The following GABRG3 variants were observed in gnomAD, a reference collection of about 807,000 sequenced individuals.
The protein encoded by GABRG3 is gamma-aminobutyric acid type A receptor subunit gamma3.
Under a neutral mutation model 48.8 loss-of-function variants are expected in GABRG3, and 25 were observed. That is an observed-to-expected ratio of 0.51 (90% CI 0.37 to 0.72). GABRG3 has a LOEUF of 0.72. Among genes scored for constraint, GABRG3 ranks in the 30% least tolerant of loss-of-function variants. The pLI is 0.00. For missense variants in GABRG3, 394 were observed against 577.9 expected (o/e 0.68, Z 3.26); for synonymous variants, 227 against 217.6 (o/e 1.04, Z -0.38).
intron 3 of GABRG3, among the ~76,000 whole-genome samples, chr15:27,317,490 C>T (rs146420855): frequency 0.013 from 1,938 of 152,316 alleles, 27 homozygotes; most frequent in Non-Finnish European, 0.019. Flanking sequence ...CAGACTCAGC[C>T]AGACTTCCTT....
intron 5 of GABRG3, among the ~76,000 whole-genome samples, chr15:27,471,213 T>C (rs950142269): frequency 5.3e-5 from 8 of 152,126 alleles, no homozygotes; most frequent in Non-Finnish European, 1.0e-4. Flanking sequence ...TGGAAAGTGG[T>C]CCTCCTAGGC....
At chr15:27,326,140 T>C (rs1893605942) in intron 3 of GABRG3, among the ~76,000 whole-genome samples, 1 of 152,196 alleles carries the variant, frequency 6.6e-6, no homozygotes, top group Non-Finnish European at 1.5e-5. Flanking sequence ...CCGTGAACAC[T>C]GCAGTGGCTT....
At chr15:27,359,617 A>G (rs1894955851) in intron 5 of GABRG3, among the ~76,000 whole-genome samples, 1 of 152,230 alleles carries the variant, frequency 6.6e-6, no homozygotes, top group African/African-American at 2.4e-5. Context: ...ATAACAGAAC[A>G]TAAAATTAAA....
chr15:27,051,107 ATAG>A (rs1896448947), intron 3 of GABRG3, among the ~76,000 whole-genome samples: 1 of 152,254 alleles, frequency 6.6e-6, no homozygotes, highest in African/African-American at 2.4e-5. Flanking sequence ...TTAGATGACC[ATAG>A]TGCAGTTGTT....
chr15:27,527,368 T>C (rs922558081), intron 7 of GABRG3, 65 bp from the exon 8 acceptor site: 139 of 1,491,776 alleles, frequency 9.3e-5, no homozygotes, highest in Non-Finnish European at 1.2e-4. Context: ...GGGATGTGGG[T>C]GACCGTCTGG....
At chr15:27,530,152 C>T (rs747237287) in intron 9 of GABRG3, among the ~76,000 whole-genome samples, 3 of 152,288 alleles carry the variant, frequency 2.0e-5, no homozygotes, top group East Asian at 1.9e-4. Context: ...GGCCAGACTC[C>T]GTGAACTGTC....
intron 3 of GABRG3, among the ~76,000 whole-genome samples, chr15:27,313,915 G>A (rs1298602635): frequency 3.3e-5 from 5 of 151,798 alleles, no homozygotes; most frequent in South Asian, 2.1e-4. Flanking sequence ...ATCTCAAGGC[G>A]CTAGAAGAAT....
At chr15:27,339,666 C>G (rs562180544) in intron 5 of GABRG3, among the ~76,000 whole-genome samples, 77 of 152,322 alleles carry the variant, frequency 5.1e-4, no homozygotes, top group African/African-American at 1.7e-3. Context: ...TGGAAACTCA[C>G]TACAGAGGGC....
At chr15:27,332,928 C>T (rs1386152707) in intron 5 of GABRG3, among the ~76,000 whole-genome samples, 1 of 151,962 alleles carries the variant, frequency 6.6e-6, no homozygotes, top group Non-Finnish European at 1.5e-5. Flanking sequence ...TTAAAAATTT[C>T]CTATAGCACT....
chr15:27,463,920 C>T (rs1452297390), intron 5 of GABRG3, among the ~76,000 whole-genome samples: 1 of 152,080 alleles, frequency 6.6e-6, no homozygotes, highest in Non-Finnish European at 1.5e-5. Flanking sequence ...ACCCACGTGC[C>T]CCTCCCATAA....
At chr15:27,111,644 C>T (rs895832856) in intron 3 of GABRG3, among the ~76,000 whole-genome samples, 4 of 152,132 alleles carry the variant, frequency 2.6e-5, no homozygotes, top group Admixed American at 6.5e-5. Context: ...GTGTGCTGTT[C>T]TTCAGAGAGG....
chr15:27,345,836 C>T (rs1052969503), intron 5 of GABRG3, among the ~76,000 whole-genome samples: 4 of 151,920 alleles, frequency 2.6e-5, no homozygotes, highest in Non-Finnish European at 5.9e-5. Context: ...GGGGGATCCC[C>T]TGAGGTCAGG....
chr15:27,304,228 A>C (rs1159819143), intron 3 of GABRG3, among the ~76,000 whole-genome samples: 1 of 151,934 alleles, frequency 6.6e-6, no homozygotes, highest in Admixed American at 6.6e-5. Context: ...AAAGGCAAGA[A>C]GAAAATAAAA....
intron 3 of GABRG3, among the ~76,000 whole-genome samples, chr15:27,118,935 A>G (rs1277113304): frequency 1.3e-5 from 2 of 152,222 alleles, no homozygotes; most frequent in African/African-American, 2.4e-5. Context: ...GCCCCAAAAT[A>G]TGGCACCGTG....
intron 3 of GABRG3, among the ~76,000 whole-genome samples, chr15:27,132,389 T>C (rs986570426): frequency 1.3e-5 from 2 of 151,442 alleles, no homozygotes; most frequent in Non-Finnish European, 3.0e-5. Context: ...TTGAAGAGAA[T>C]TCTCCTGTGA....
At chr15:27,516,801 A>G (rs1184469868) in intron 6 of GABRG3, among the ~76,000 whole-genome samples, 1 of 152,244 alleles carries the variant, frequency 6.6e-6, no homozygotes, top group African/African-American at 2.4e-5. Context: ...ACGTTTCAAA[A>G]CATCATCCTG....
At chr15:27,199,318 C>T (rs1888607579) in intron 3 of GABRG3, among the ~76,000 whole-genome samples, 1 of 152,152 alleles carries the variant, frequency 6.6e-6, no homozygotes, top group African/African-American at 2.4e-5. Flanking sequence ...AACAAAACAA[C>T]ATTTCCCAGA....
chr15:27,157,771 C>T (rs900554434), intron 3 of GABRG3: 1 of 152,216 alleles, frequency 6.6e-6, no homozygotes, highest in Non-Finnish European at 1.5e-5. Flanking sequence ...TGTAGTGAGA[C>T]ATCACAACAG....
chr15:27,424,641 T>C (rs113771834), intron 5 of GABRG3, among the ~76,000 whole-genome samples: 6,638 of 150,302 alleles, frequency 0.044, 170 homozygotes, highest in Middle Eastern at 0.11. Context: ...GCAACCTCTA[T>C]CTCCCAGGTT....
Sources: gnomAD v4.1 joint callset for allele counts (sites outside exome capture counted in the v4.1 genomes callset) on GRCh38, gnomAD v4.1.1 for gene constraint, MANE v1.5 for transcripts, NCBI Gene and HGNC (gene_info 2026-07-23, HGNC 2026-07-21) for gene names.